DPYD: variants seen among roughly 807,000 people sequenced by gnomAD.
DPYD encodes dihydropyrimidine dehydrogenase [NADP(+)].
DPYD carries 109 observed loss-of-function variants against 116.2 expected under a neutral mutation model. The ratio of observed to expected loss-of-function variants is 0.94; its 90% confidence interval spans 0.80 to 1.10. The LOEUF is 1.10. Ranked by LOEUF, DPYD falls within the 50% of genes least tolerant of loss-of-function variation. The pLI is 0.00. For missense variants in DPYD, 1,302 were observed against 1,254.5 expected, an observed-to-expected ratio of 1.04 and a Z score of -0.57; for synonymous variants, 440 against 432.0, an observed-to-expected ratio of 1.02 and a Z score of -0.23.
intron 19 of DPYD, among the ~76,000 whole-genome samples, chr1:97,222,916 G>T (rs1557950149): frequency 6.6e-6 from 1 of 151,980 alleles, no homozygotes; most frequent in Non-Finnish European, 1.5e-5. Flanking sequence ...GCCTGAAACT[G>T]AATGATGATG....
At chr1:97,919,313 G>C (rs1234608275) in intron 1 of DPYD, among the ~76,000 whole-genome samples, 1 of 152,204 alleles carries the variant, frequency 6.6e-6, no homozygotes, top group Non-Finnish European at 1.5e-5. Context: ...GAATTGAGTG[G>C]AGGGAGTGGG....
At chr1:97,490,778 A>C (rs967939125) in intron 13 of DPYD, among the ~76,000 whole-genome samples, 1 of 150,492 alleles carries the variant, frequency 6.6e-6, no homozygotes, top group African/African-American at 2.4e-5. Flanking sequence ...TCTTCTCTGA[A>C]TAAATTAAGA....
chr1:97,233,588 T>C (rs1661718767), intron 19 of DPYD, among the ~76,000 whole-genome samples: 1 of 152,158 alleles, frequency 6.6e-6, no homozygotes, highest in East Asian at 1.9e-4. Flanking sequence ...CTAAAAGTTC[T>C]CTCTCTTGCT....
intron 4 of DPYD, among the ~76,000 whole-genome samples, chr1:97,737,985 C>T (rs773240018): frequency 1.8e-4 from 28 of 152,002 alleles, no homozygotes; most frequent in Non-Finnish European, 3.5e-4. Context: ...ATTTATTTAT[C>T]TATACACAAA....
intron 3 of DPYD, among the ~76,000 whole-genome samples, chr1:97,822,232 C>CTATA (rs1016277204): frequency 1.0e-4 from 15 of 147,848 alleles, no homozygotes; most frequent in African/African-American, 3.8e-4. Context: ...TTCTCTCTCT[C>CTATA]TCTCTATATA....
At chr1:97,730,669 T>G (rs944506416) in intron 4 of DPYD, among the ~76,000 whole-genome samples, 2 of 152,216 alleles carry the variant, frequency 1.3e-5, no homozygotes, top group East Asian at 3.9e-4. Flanking sequence ...AAAATAATTA[T>G]AAATGCAATA....
At chr1:97,258,089 T>C (rs1199935123) in intron 18 of DPYD, among the ~76,000 whole-genome samples, 4 of 151,990 alleles carry the variant, frequency 2.6e-5, no homozygotes, top group Non-Finnish European at 5.9e-5. Flanking sequence ...GTTAGGTGTG[T>C]CGTAGGGCCT....
chr1:97,112,293 G>A (rs1355888764), intron 20 of DPYD, among the ~76,000 whole-genome samples: 1 of 152,126 alleles, frequency 6.6e-6, no homozygotes, highest in Non-Finnish European at 1.5e-5. Context: ...TGTTGTACGT[G>A]ATGGAGAACT....
chr1:97,244,820 G>A (rs947982547), intron 18 of DPYD, among the ~76,000 whole-genome samples: 10 of 151,938 alleles, frequency 6.6e-5, no homozygotes, highest in Admixed American at 2.6e-4. Context: ...TTGAGGAAAC[G>A]CACAAATGGT....
chr1:97,273,027 C>T (rs1664698946), intron 18 of DPYD, among the ~76,000 whole-genome samples: 2 of 152,014 alleles, frequency 1.3e-5, no homozygotes, highest in Non-Finnish European at 2.9e-5. Context: ...CTAAGGGAAT[C>T]AGAAATAAGG....
chr1:97,489,360 C>A (rs1678841120), intron 13 of DPYD, among the ~76,000 whole-genome samples: 1 of 152,122 alleles, frequency 6.6e-6, no homozygotes, highest in South Asian at 2.1e-4. Flanking sequence ...AAAATGTTGA[C>A]CAGCCATGCT....
chr1:97,312,035 A>C (rs1246723342), intron 16 of DPYD, among the ~76,000 whole-genome samples: 1 of 151,762 alleles, frequency 6.6e-6, no homozygotes, highest in East Asian at 1.9e-4. Flanking sequence ...CCTGGTGGTC[A>C]CATGGTGTGC....
At chr1:97,117,232 T>G (rs1338806126) in intron 20 of DPYD, among the ~76,000 whole-genome samples, 1 of 152,150 alleles carries the variant, frequency 6.6e-6, no homozygotes, top group African/African-American at 2.4e-5. Flanking sequence ...CACTACAAAG[T>G]TTCCAAAATA....
At chr1:97,418,441 C>G (rs919780906) in intron 14 of DPYD, among the ~76,000 whole-genome samples, 9 of 151,866 alleles carry the variant, frequency 5.9e-5, no homozygotes, top group African/African-American at 2.4e-5. Context: ...ACTAGGATTA[C>G]AGGTGCCTGC....
chr1:97,176,117 T>G (rs1657238029), intron 20 of DPYD, among the ~76,000 whole-genome samples: 2 of 152,328 alleles, frequency 1.3e-5, no homozygotes, highest in Admixed American at 1.3e-4. Context: ...TTCAGCTTTC[T>G]TAGCATCAAC....
chr1:97,161,060 T>G (rs1407704308), intron 20 of DPYD, among the ~76,000 whole-genome samples: 1 of 152,150 alleles, frequency 6.6e-6, no homozygotes, highest in Admixed American at 6.6e-5. Context: ...AACTCCATCC[T>G]GCACACATAT....
At chr1:97,542,556 T>C (rs1396138411) in intron 12 of DPYD, among the ~76,000 whole-genome samples, 1 of 152,206 alleles carries the variant, frequency 6.6e-6, no homozygotes, top group East Asian at 1.9e-4. Context: ...TTGTTTGTGA[T>C]GTCCTTGCTG....
chr1:97,175,551 T>G (rs904829929), intron 20 of DPYD, among the ~76,000 whole-genome samples: 1 of 152,222 alleles, frequency 6.6e-6, no homozygotes, highest in Non-Finnish European at 1.5e-5. Flanking sequence ...GATAGACTTA[T>G]CAGAATCTTG....
chr1:97,356,928 G>T (rs889344852), intron 16 of DPYD, among the ~76,000 whole-genome samples: 1 of 152,114 alleles, frequency 6.6e-6, no homozygotes, highest in African/African-American at 2.4e-5. Flanking sequence ...TCACTTGGTG[G>T]TAGAGTTCAG....
Sources: gnomAD v4.1 joint callset for allele counts (sites outside exome capture counted in the v4.1 genomes callset) on GRCh38, gnomAD v4.1.1 for gene constraint, MANE v1.5 for transcripts, NCBI Gene and HGNC (gene_info 2026-07-23, HGNC 2026-07-21) for gene names.